ARMH3: variants seen among roughly 807,000 people sequenced by gnomAD.
ARMH3 encodes armadillo-like helical domain-containing protein 3.
In ARMH3, 60 loss-of-function variants were observed where a neutral mutation model predicts 99.1. That is an observed-to-expected ratio of 0.61 (90% CI 0.49 to 0.75). The LOEUF (loss-of-function observed/expected upper bound fraction) is 0.75, where lower values mean the gene tolerates loss of function less well. Among genes scored for constraint, ARMH3 ranks in the 30% least tolerant of loss-of-function variants. The pLI is 0.00. For missense variants in ARMH3, 679 were observed against 843.1 expected, an observed-to-expected ratio of 0.81 and a Z score of 2.41; for synonymous variants, 285 against 292.8, an observed-to-expected ratio of 0.97 and a Z score of 0.27.
At chr10:101,890,406 G>A (rs1175030806) in intron 23 of ARMH3, among the ~76,000 whole-genome samples, 2 of 151,968 alleles carry the variant, frequency 1.3e-5, no homozygotes, top group Non-Finnish European at 2.9e-5. Context: ...AGCATGCCCG[G>A]CTAATTATTT....
At chr10:101,982,560 C>T (rs879337530) in intron 19 of ARMH3, among the ~76,000 whole-genome samples, 2 of 152,172 alleles carry the variant, frequency 1.3e-5, no homozygotes, top group Non-Finnish European at 2.9e-5. Flanking sequence ...AGAAACCAGG[C>T]TGCACAGCAG....
chr10:101,968,967 T>C (rs1430322962), intron 20 of ARMH3, among the ~76,000 whole-genome samples: 1 of 152,206 alleles, frequency 6.6e-6, no homozygotes, highest in Non-Finnish European at 1.5e-5. Context: ...CTCTCTATTT[T>C]TGCATATGGA....
chr10:101,873,472 C>CA (rs1249887765), intron 24 of ARMH3, among the ~76,000 whole-genome samples: 1 of 151,798 alleles, frequency 6.6e-6, no homozygotes, highest in Non-Finnish European at 1.5e-5. Context: ...TTTTTTCTTT[C>CA]AACATATTTA....
chr10:101,985,380 G>A (rs548480164), intron 19 of ARMH3, among the ~76,000 whole-genome samples: 46 of 150,270 alleles, frequency 3.1e-4, no homozygotes, highest in Middle Eastern at 3.5e-3. Context: ...TATATAATAC[G>A]TATATATACA....
chr10:101,937,363 A>G (rs1421933131), intron 23 of ARMH3, among the ~76,000 whole-genome samples: 3 of 152,138 alleles, frequency 2.0e-5, no homozygotes, highest in Admixed American at 2.0e-4. Flanking sequence ...ACAAAAAAAT[A>G]CAAAAATTAG....
chr10:101,951,596 G>A (rs980110058), intron 22 of ARMH3, among the ~76,000 whole-genome samples: 7 of 152,026 alleles, frequency 4.6e-5, no homozygotes, highest in African/African-American at 1.7e-4. Context: ...GCCAGGCACA[G>A]TGGCTCACAC....
chr10:102,004,099 T>C (rs1202817230), intron 14 of ARMH3, among the ~76,000 whole-genome samples: 1 of 152,230 alleles, frequency 6.6e-6, no homozygotes, highest in Non-Finnish European at 1.5e-5. Flanking sequence ...TATGTATTTT[T>C]AGTTTACCAG....
chr10:101,913,285 A>T (rs774467974), intron 23 of ARMH3: 2 of 149,950 alleles, frequency 1.3e-5, no homozygotes, highest in African/African-American at 2.5e-5. Flanking sequence ...CTGGCCAGGA[A>T]TTCTTGGTCT....
rs147104313 is a variant in ARMH3 at position 101,975,996 on chromosome 10, T to C, written c.1407-696A>G. ...GGTGAAACCCTGCCTCTACTAAAAA[T>C]ATACAAAAAATTAGCGGGGTGTGGT... is the stretch of plus-strand genomic sequence containing the variant. On this transcript the variant is annotated intron_variant, in intron 19 of 25. Transcript: ENST00000370033. 2.7e-4 allele frequency among the ~76,000 whole-genome samples: 30 copies of C among 112,936 alleles called. 1 individual carries two copies. Among genetic ancestry groups the C allele is most frequent in the Non-Finnish European group, 4.3e-4 (19 of 44,094 alleles). 74.1% of individuals were successfully genotyped at this position (112,936 alleles called of 152,430 possible).
At chr10:101,907,694 T>G (rs924911655) in intron 23 of ARMH3, among the ~76,000 whole-genome samples, 1 of 152,190 alleles carries the variant, frequency 6.6e-6, no homozygotes, top group African/African-American at 2.4e-5. Flanking sequence ...GGGATAATAG[T>G]TTTGATTCCA....
chr10:101,911,135 C>T (rs1416476283), intron 23 of ARMH3, among the ~76,000 whole-genome samples: 4 of 149,224 alleles, frequency 2.7e-5, no homozygotes, highest in African/African-American at 7.4e-5. Context: ...AGTGAGATTC[C>T]GTACCAAAAA....
chr10:102,002,431 G>A (rs1320479168), intron 14 of ARMH3, among the ~76,000 whole-genome samples: 1 of 152,036 alleles, frequency 6.6e-6, no homozygotes, highest in Non-Finnish European at 1.5e-5. Flanking sequence ...CTGAAGGAAA[G>A]ATCTGTATTG....
chr10:102,022,941 C>A (rs1486456814), intron 8 of ARMH3, among the ~76,000 whole-genome samples: 1 of 151,534 alleles, frequency 6.6e-6, no homozygotes, highest in Non-Finnish European at 1.5e-5. Context: ...GTAATCCCAG[C>A]ACTTTGGGAG....
chr10:101,931,148 G>A (rs549882577), intron 23 of ARMH3, among the ~76,000 whole-genome samples: 4 of 152,328 alleles, frequency 2.6e-5, no homozygotes, highest in African/African-American at 9.6e-5. Flanking sequence ...AAAAACGGGA[G>A]AGGCTCCATT....
At chr10:101,941,430 G>A (rs1451947517) in intron 22 of ARMH3, among the ~76,000 whole-genome samples, 1 of 152,174 alleles carries the variant, frequency 6.6e-6, no homozygotes, top group Non-Finnish European at 1.5e-5. Flanking sequence ...AGAAATGTGT[G>A]ACCAATCTGT....
intron 23 of ARMH3, among the ~76,000 whole-genome samples, chr10:101,891,847 G>A (rs1275913195): frequency 2.0e-5 from 3 of 152,110 alleles, no homozygotes; most frequent in South Asian, 2.1e-4. Flanking sequence ...GGTGGCTCAC[G>A]CATGTAATTC....
At chr10:101,937,859 A>G (rs1844059192) in intron 23 of ARMH3, among the ~76,000 whole-genome samples, 1 of 152,102 alleles carries the variant, frequency 6.6e-6, no homozygotes, top group Non-Finnish European at 1.5e-5. Context: ...ATCTCTTAAG[A>G]AAACTGATTT....
intron 23 of ARMH3, among the ~76,000 whole-genome samples, chr10:101,902,872 T>C (rs745904235): frequency 1.3e-4 from 19 of 151,998 alleles, no homozygotes; most frequent in Admixed American, 3.3e-4. Flanking sequence ...ATCATAATAG[T>C]GCAACAAGAT....
At position 101,860,148 on chromosome 10, in the gene ARMH3, T is replaced by C. The variant is rs564546945; in HGVS notation, c.1861-10256A>G. Among the ~76,000 whole-genome samples, 10 of 152,302 alleles carry C rather than the reference T, an allele frequency of 6.6e-5. 2 individuals carry two copies. Among genetic ancestry groups the C allele is most frequent in the African/African-American group, 2.4e-4 (10 of 41,580 alleles). On this transcript the variant is annotated intron_variant, in intron 24 of 25. Transcript: ENST00000370033. ...AAAAAGGACATAAAAATGCTCACTA[T>C]ATATACCATTTCCAACACCCATTTG...
Sources: allele counts gnomAD v4.1 joint callset (sites outside exome capture counted in the v4.1 genomes callset), GRCh38; gene constraint gnomAD v4.1.1; transcripts MANE v1.5; gene names NCBI Gene and HGNC (gene_info 2026-07-23, HGNC 2026-07-21).